SUGCT: variants seen among roughly 807,000 people sequenced by gnomAD.
The protein encoded by SUGCT is succinyl-CoA:glutarate-CoA transferase.
A neutral mutation model predicts 55.0 loss-of-function variants in SUGCT; 41 were observed. That is an observed-to-expected ratio of 0.74 (90% CI 0.58 to 0.97). SUGCT has a LOEUF of 0.97. Ranked by LOEUF, SUGCT falls within the 50% of genes least tolerant of loss-of-function variation. The pLI is 0.00. For synonymous variants in SUGCT, 187 were observed against 200.4 expected (o/e 0.93, Z 0.56); for missense variants, 568 against 547.8 (o/e 1.04, Z -0.37).
chr7:40,580,637 G>C (rs1157242317), intron 12 of SUGCT, among the ~76,000 whole-genome samples: 1 of 152,196 alleles, frequency 6.6e-6, no homozygotes, highest in Non-Finnish European at 1.5e-5. Flanking sequence ...CAGAGGCATT[G>C]TGGTGGGTAA....
the SUGCT span, among the ~76,000 whole-genome samples, chr7:41,003,186 C>T: frequency 6.6e-6 from 1 of 152,076 alleles, no homozygotes; most frequent in Non-Finnish European, 1.5e-5. Flanking sequence ...ACATCTAAGT[C>T]CTTAGTCATT....
chr7:40,685,214 T>G (rs1173110700), intron 12 of SUGCT, among the ~76,000 whole-genome samples: 2 of 152,130 alleles, frequency 1.3e-5, no homozygotes, highest in Non-Finnish European at 2.9e-5. Context: ...CTGCTTAATT[T>G]TCTGTGTTTG....
intron 7 of SUGCT, among the ~76,000 whole-genome samples, chr7:40,265,944 C>G (rs558704279): frequency 4.8e-5 from 7 of 146,172 alleles, no homozygotes; most frequent in African/African-American, 1.8e-4. Context: ...GAGCAAAACT[C>G]TGTCTCAAAA....
intron 12 of SUGCT, among the ~76,000 whole-genome samples, chr7:40,738,637 A>G (rs1481345317): frequency 3.3e-5 from 5 of 152,208 alleles, no homozygotes; most frequent in African/African-American, 1.2e-4. Context: ...ATTCACCTGA[A>G]ACAGATAATT....
the SUGCT span, among the ~76,000 whole-genome samples, chr7:40,982,016 T>C: frequency 6.6e-6 from 1 of 152,238 alleles, no homozygotes; most frequent in Non-Finnish European, 1.5e-5. Flanking sequence ...AAATTAGCCA[T>C]TAAACCATCA....
chr7:40,218,984 C>T (rs144612497), intron 6 of SUGCT, among the ~76,000 whole-genome samples: 4 of 152,222 alleles, frequency 2.6e-5, no homozygotes, highest in African/African-American at 7.2e-5. Context: ...TCGCTCCTTG[C>T]AATAAGTCTT....
rs189446632 is a variant in SUGCT at position 40,545,563 on chromosome 7, C to T, written c.1089+49177C>T. Among the ~76,000 whole-genome samples, 94 of 152,176 alleles carry T rather than the reference C, an allele frequency of 6.2e-4. 1 individual carries two copies. The highest frequency in any genetic ancestry group is 2.0e-3 in the African/African-American group (84 of 41,534). On this transcript the variant is annotated intron_variant, in intron 12 of 13. Transcript: ENST00000335693. ...AAATATGGCCTTACCTGAAAGCTTC[C>T]GGACATTAACGCTGTTAGATCCAGT...
chr7:40,415,503 GT>G, intron 9 of SUGCT, among the ~76,000 whole-genome samples: 1 of 149,058 alleles, frequency 6.7e-6, no homozygotes, highest in Middle Eastern at 3.4e-3. Context: ...CTTTGACTCT[GT>G]TTTTATTTTT....
intron 12 of SUGCT, among the ~76,000 whole-genome samples, chr7:40,606,765 T>C (rs1422131276): frequency 1.3e-5 from 2 of 152,208 alleles, no homozygotes; most frequent in African/African-American, 4.8e-5. Flanking sequence ...TAAAAAGCCA[T>C]ATTAAATCAG....
chr7:40,871,761 T>C, the SUGCT span, among the ~76,000 whole-genome samples: 2 of 151,670 alleles, frequency 1.3e-5, no homozygotes, highest in African/African-American at 4.8e-5. Flanking sequence ...GAGGAGGCAT[T>C]ATGAAAGGGC....
chr7:40,487,250 GTTTTTTTTTTTTTTTT>G (rs1167865633), intron 11 of SUGCT, among the ~76,000 whole-genome samples: 4 of 42,908 alleles, frequency 9.3e-5, no homozygotes, highest in South Asian at 8.5e-4. Flanking sequence ...ACACCCAGCT[GTTTTTTTTTTTTTTTT>G]TTTTTTTTTT....
At chr7:40,714,990 C>T (rs922735366) in intron 12 of SUGCT, among the ~76,000 whole-genome samples, 30 of 152,068 alleles carry the variant, frequency 2.0e-4, no homozygotes, top group Admixed American at 1.4e-3. Context: ...TAAAACTCAG[C>T]GGCAAATCAC....
the SUGCT span, among the ~76,000 whole-genome samples, chr7:41,003,664 C>T: frequency 6.6e-6 from 1 of 152,158 alleles, no homozygotes; most frequent in Non-Finnish European, 1.5e-5. Flanking sequence ...CCAGCCCACC[C>T]TATAATTTGA....
chr7:40,723,464 A>C (rs1031328741), intron 12 of SUGCT, among the ~76,000 whole-genome samples: 12 of 152,092 alleles, frequency 7.9e-5, no homozygotes, highest in African/African-American at 2.7e-4. Flanking sequence ...TATTTCCAGA[A>C]ATATACAAAA....
At chr7:40,204,755 G>T (rs969876493) in intron 6 of SUGCT, among the ~76,000 whole-genome samples, 1 of 150,990 alleles carries the variant, frequency 6.6e-6, no homozygotes, top group Non-Finnish European at 1.5e-5. Context: ...GTGAGACCTC[G>T]TCTCTAGAAA....
chr7:40,641,085 TTAAAG>T, intron 12 of SUGCT, among the ~76,000 whole-genome samples: 1 of 152,230 alleles, frequency 6.6e-6, no homozygotes, highest in African/African-American at 2.4e-5. Context: ...CTTCTTAACC[TTAAAG>T]TCACAAGTGG....
intron 8 of SUGCT, among the ~76,000 whole-genome samples, chr7:40,285,037 G>T (rs1562645513): frequency 6.6e-6 from 1 of 152,090 alleles, no homozygotes; most frequent in Non-Finnish European, 1.5e-5. Context: ...GGAAAATCAG[G>T]TCTTCAACTT....
chr7:40,300,847 A>T (rs1360482062), intron 8 of SUGCT, among the ~76,000 whole-genome samples: 1 of 152,218 alleles, frequency 6.6e-6, no homozygotes, highest in Non-Finnish European at 1.5e-5. Flanking sequence ...ATGCATTAGT[A>T]AACAGAGGAA....
chr7:40,446,684 A>G (rs2151423346), intron 9 of SUGCT, among the ~76,000 whole-genome samples: 1 of 152,290 alleles, frequency 6.6e-6, no homozygotes, highest in East Asian at 1.9e-4. Context: ...CATTTGGTTG[A>G]TTCATTAGCA....
Sources: gnomAD v4.1 joint callset for allele counts (sites outside exome capture counted in the v4.1 genomes callset) on GRCh38, gnomAD v4.1.1 for gene constraint, MANE v1.5 for transcripts, NCBI Gene and HGNC (gene_info 2026-07-23, HGNC 2026-07-21) for gene names.